Variants in SBF2 observed in about 807,000 individuals in gnomAD.
SBF2 encodes the protein myotubularin-related protein 13.
In SBF2, 112 loss-of-function variants were observed where a neutral mutation model predicts 225.2. The observed-to-expected ratio is 0.50, with a 90% CI of 0.43 to 0.58. The LOEUF is 0.58. Among genes scored for constraint, SBF2 ranks in the 20% least tolerant of loss-of-function variants. SBF2 has a pLI of 0.00. For synonymous variants in SBF2, 763 were observed against 773.3 expected (o/e 0.99, Z 0.22); for missense variants, 1,996 against 2,206.2 (o/e 0.90, Z 1.91).
intron 3 of SBF2, among the ~76,000 whole-genome samples, chr11:10,033,829 C>T (rs1427123298): frequency 6.6e-6 from 1 of 151,960 alleles, no homozygotes; most frequent in Admixed American, 6.6e-5. Flanking sequence ...TAGATGTATT[C>T]TATGTAATAA....
At chr11:9,817,109 A>T in intron 28 of SBF2, 85 bp from the exon 29 acceptor site, 1 of 1,444,108 alleles carries the variant, frequency 6.9e-7, no homozygotes, top group Non-Finnish European at 9.7e-7. Context: ...CTCTGGAGCT[A>T]CAGTTTTAGA....
At chr11:10,058,177 T>C (rs1046120307) in intron 2 of SBF2, among the ~76,000 whole-genome samples, 11 of 152,164 alleles carry the variant, frequency 7.2e-5, no homozygotes, top group East Asian at 1.9e-4. Context: ...ACTGGATGGA[T>C]TGACGAATAG....
chr11:10,140,137 C>G (rs191781462), intron 2 of SBF2, among the ~76,000 whole-genome samples: 7 of 152,268 alleles, frequency 4.6e-5, no homozygotes, highest in Admixed American at 3.3e-4. Flanking sequence ...AGTGCCAGGA[C>G]CATCTTTTGT....
At chr11:9,978,287 G>C (rs1319740647) in intron 13 of SBF2, among the ~76,000 whole-genome samples, 2 of 152,118 alleles carry the variant, frequency 1.3e-5, no homozygotes, top group Non-Finnish European at 2.9e-5. Context: ...ACGGACTTCA[G>C]AATCTTAGCA....
intron 2 of SBF2, among the ~76,000 whole-genome samples, chr11:10,133,307 T>C (rs967830275): frequency 6.7e-6 from 1 of 149,486 alleles, no homozygotes; most frequent in African/African-American, 2.5e-5. Flanking sequence ...TGTGCTCGCA[T>C]TCCTCAGCCC....
At chr11:10,281,877 A>G (rs1963428036) in intron 1 of SBF2, among the ~76,000 whole-genome samples, 1 of 152,192 alleles carries the variant, frequency 6.6e-6, no homozygotes, top group African/African-American at 2.4e-5. Context: ...TAACATCACA[A>G]GTACCCCCAG....
rs372921044 is a variant in SBF2 at position 9,979,558 on chromosome 11, T to G, written c.1395+9939A>C. The stretch of plus-strand genomic sequence containing the variant: ...TTAGTATACTAATCAGGAAACACAT[T>G]TATTATATCAGGCATGGTTATAAAT... On this transcript the variant is annotated intron_variant, in intron 13 of 39. Coordinates refer to ENST00000256190, the MANE Select transcript of SBF2 (RefSeq NM_030962.4). 1.2e-4 allele frequency among the ~76,000 whole-genome samples: 18 copies of G among 152,310 alleles called. No homozygotes were observed. The South Asian group carries it at 3.7e-3, about 32-fold the overall frequency.
Position 10,158,112 on chromosome 11 carries a change from GA to G in SBF2, c.141+35789del, listed in dbSNP as rs1037148373. Among the ~76,000 whole-genome samples, 4 of 151,838 alleles carry G rather than the reference GA, an allele frequency of 2.6e-5. 1 individual carries two copies. Reference sequence around the variant, plus strand: ...CAATGTATCGAAGAATAAACTAAAAGAGAAGTAAAAAAATATCTTGAGAAAG... The same window carrying G: ...CAATGTATCGAAGAATAAACTAAAAGGAAGTAAAAAAATATCTTGAGAAAG... On this transcript the variant is annotated intron_variant, in intron 2 of 39. Coordinates refer to ENST00000256190, the MANE Select transcript of SBF2 (RefSeq NM_030962.4).
At chr11:10,301,582 CTGAGA>C (rs576232618) in intron 1 of SBF2, among the ~76,000 whole-genome samples, 50 of 152,250 alleles carry the variant, frequency 3.3e-4, no homozygotes, top group African/African-American at 1.2e-3. Context: ...AAGGAGGCAT[CTGAGA>C]TAATTATGCA....
chr11:10,253,700 G>T (rs1303561588), intron 1 of SBF2, among the ~76,000 whole-genome samples: 1 of 151,748 alleles, frequency 6.6e-6, no homozygotes, highest in African/African-American at 2.4e-5. Context: ...TTACTATAAT[G>T]AATCACAGTA....
At chr11:10,095,123 A>G (rs1337932231) in intron 2 of SBF2, among the ~76,000 whole-genome samples, 1 of 151,666 alleles carries the variant, frequency 6.6e-6, no homozygotes, top group Non-Finnish European at 1.5e-5. Context: ...AGGTCTTGCT[A>G]TGTTGCCCAG....
In SBF2 at chr11:9,881,745, C is replaced by A. The variant is rs552264620; in HGVS notation, c.1929+14198G>T. On this transcript the variant is annotated intron_variant, in intron 17 of 39. Coordinates refer to ENST00000256190, the MANE Select transcript of SBF2 (RefSeq NM_030962.4). ...CTCTACAACACTCCCCATCCCCCCC[C>A]AATTAAACAAATAAAGTTGATTTTG... Among the ~76,000 whole-genome samples, 217 of 151,988 alleles carry A rather than the reference C, an allele frequency of 1.4e-3. 1 individual carries two copies. The highest frequency in any genetic ancestry group is 4.9e-3 in the African/African-American group (205 of 41,472).
At chr11:9,900,487 G>A (rs545671210) in intron 16 of SBF2, among the ~76,000 whole-genome samples, 5 of 152,168 alleles carry the variant, frequency 3.3e-5, no homozygotes, top group Admixed American at 1.3e-4. Context: ...TTAGCCAATC[G>A]GAATTAGTTT....
intron 1 of SBF2, among the ~76,000 whole-genome samples, chr11:10,269,622 G>A (rs1962302673): frequency 2.6e-5 from 4 of 152,154 alleles, no homozygotes; most frequent in Admixed American, 1.3e-4. Flanking sequence ...ACATCTCTAT[G>A]AGGTAGATAC....
intron 1 of SBF2, among the ~76,000 whole-genome samples, chr11:10,231,049 T>C (rs986636904): frequency 2.0e-5 from 3 of 152,184 alleles, no homozygotes; most frequent in Non-Finnish European, 2.9e-5. Flanking sequence ...TCTTGCTTCA[T>C]TTCATTCATT....
chr11:9,824,354 C>T (rs941180903), intron 28 of SBF2, among the ~76,000 whole-genome samples: 1 of 151,910 alleles, frequency 6.6e-6, no homozygotes, highest in Non-Finnish European at 1.5e-5. Flanking sequence ...GTCAGGAGAT[C>T]GAGATCATCC....
chr11:9,843,507 G>T (rs912931367), intron 24 of SBF2, among the ~76,000 whole-genome samples: 1 of 152,164 alleles, frequency 6.6e-6, no homozygotes, highest in Non-Finnish European at 1.5e-5. Context: ...GCAATCCAGA[G>T]AATTAAACAG....
intron 16 of SBF2, among the ~76,000 whole-genome samples, chr11:9,910,311 G>A (rs1051600116): frequency 2.6e-5 from 4 of 152,076 alleles, no homozygotes; most frequent in African/African-American, 9.7e-5. Context: ...GGCTGATGTT[G>A]GTGTAAACAA....
chr11:9,851,501 T>C (rs1856951445), intron 21 of SBF2, among the ~76,000 whole-genome samples: 1 of 152,092 alleles, frequency 6.6e-6, no homozygotes, highest in Non-Finnish European at 1.5e-5. Context: ...TTTACACAAC[T>C]CAGGAAATTC....
Sources: allele counts gnomAD v4.1 joint callset (sites outside exome capture counted in the v4.1 genomes callset), GRCh38; gene constraint gnomAD v4.1.1; transcripts MANE v1.5; gene names NCBI Gene and HGNC (gene_info 2026-07-23, HGNC 2026-07-21).